Variants in GRIA1 observed in about 807,000 individuals in gnomAD.
The protein encoded by GRIA1 is glutamate ionotropic receptor AMPA type subunit 1.
Under a neutral mutation model 99.2 loss-of-function variants are expected in GRIA1, and 31 were observed. The ratio of observed to expected loss-of-function variants is 0.31; its 90% CI spans 0.23 to 0.42. The LOEUF (loss-of-function observed/expected upper bound fraction) is 0.42. Among genes scored for constraint, GRIA1 ranks in the 10% least tolerant of loss-of-function variants. The pLI is 1.00. For synonymous variants in GRIA1, 438 were observed against 432.4 expected (o/e 1.01, Z -0.16); for missense variants, 782 against 1,157.5 (o/e 0.68, Z 4.71).
chr5:153,569,753 T>C (rs1761953517), intron 2 of GRIA1, among the ~76,000 whole-genome samples: 1 of 152,220 alleles, frequency 6.6e-6, no homozygotes, highest in African/African-American at 2.4e-5. Context: ...TTAAGATTCC[T>C]GCAGATAGGC....
chr5:153,683,916 C>T (rs557240632), intron 7 of GRIA1, among the ~76,000 whole-genome samples: 1 of 152,300 alleles, frequency 6.6e-6, no homozygotes, highest in South Asian at 2.1e-4. Flanking sequence ...CAGAGCACAA[C>T]CTGGGAAATG....
At chr5:153,663,071 A>G (rs1391625470) in intron 5 of GRIA1, among the ~76,000 whole-genome samples, 1 of 152,200 alleles carries the variant, frequency 6.6e-6, no homozygotes, top group African/African-American at 2.4e-5. Context: ...GACAAACCCC[A>G]GATGCCAAAG....
intron 7 of GRIA1, among the ~76,000 whole-genome samples, chr5:153,678,999 A>G (rs1756787340): frequency 6.6e-6 from 1 of 152,196 alleles, no homozygotes; most frequent in East Asian, 1.9e-4. Flanking sequence ...GGTCTAACCC[A>G]TGTCCTTCTG....
chr5:153,718,575 G>A (rs2149536488), intron 11 of GRIA1, among the ~76,000 whole-genome samples: 1 of 152,280 alleles, frequency 6.6e-6, no homozygotes, highest in South Asian at 2.1e-4. Context: ...TTGAAAAAAG[G>A]TCCATTCATA....
intron 11 of GRIA1, among the ~76,000 whole-genome samples, chr5:153,754,432 A>G (rs1384078785): frequency 1.3e-5 from 2 of 152,164 alleles, no homozygotes; most frequent in African/African-American, 2.4e-5. Context: ...TGTAGGGACT[A>G]TCGTTCAAGG....
In GRIA1 at chr5:153,670,173, C is replaced by T. The variant is rs112471747; in HGVS notation, c.700-4327C>T. ...AATGACAGTAGACACAGCATTCTTTCTCACCGATTTATTAGTCACACATGG... is the reference window on the plus strand; with the variant it reads ...AATGACAGTAGACACAGCATTCTTTTTCACCGATTTATTAGTCACACATGG... On this transcript the variant is annotated intron_variant, in intron 5 of 15. Coordinates refer to ENST00000285900, the MANE Select transcript of GRIA1 (RefSeq NM_000827.4). 5.3e-3 allele frequency among the ~76,000 whole-genome samples: 812 copies of T among 152,284 alleles called. 5 individuals carry two copies. The highest frequency in any genetic ancestry group is 0.01 in the Middle Eastern group (3 of 294).
chr5:153,714,576 T>C (rs931821913), intron 11 of GRIA1, among the ~76,000 whole-genome samples: 13 of 152,342 alleles, frequency 8.5e-5, no homozygotes, highest in African/African-American at 3.1e-4. Flanking sequence ...ACCTCTTGTT[T>C]TTCTTTTAAA....
At chr5:153,493,458 G>A (rs1165526084) in intron 1 of GRIA1, among the ~76,000 whole-genome samples, 1 of 152,190 alleles carries the variant, frequency 6.6e-6, no homozygotes, top group Non-Finnish European at 1.5e-5. Flanking sequence ...CAGGGTCCCA[G>A]AGCTAGATTT....
chr5:153,759,889 A>C (rs529045697), intron 11 of GRIA1, among the ~76,000 whole-genome samples: 1 of 152,284 alleles, frequency 6.6e-6, no homozygotes, highest in South Asian at 2.1e-4. Context: ...AGAATGGTTC[A>C]ACATATTCAA....
intron 11 of GRIA1, among the ~76,000 whole-genome samples, chr5:153,748,343 T>C (rs1027365175): frequency 6.6e-6 from 1 of 151,960 alleles, no homozygotes; most frequent in Non-Finnish European, 1.5e-5. Context: ...TCAACAAAAA[T>C]TGCAAAGGTC....
chr5:153,587,413 T>C (rs903773015), intron 2 of GRIA1, among the ~76,000 whole-genome samples: 4 of 152,156 alleles, frequency 2.6e-5, no homozygotes, highest in African/African-American at 7.2e-5. Flanking sequence ...TTAAACCTCT[T>C]AAATAAATTA....
chr5:153,600,354 T>C (rs1384267744), intron 2 of GRIA1, among the ~76,000 whole-genome samples: 5 of 121,142 alleles, frequency 4.1e-5, no homozygotes, highest in Non-Finnish European at 7.9e-5. Flanking sequence ...ATCGCGCCGC[T>C]GCACTCCAGC....
At chr5:153,605,220 T>G (rs1001575359) in intron 2 of GRIA1, among the ~76,000 whole-genome samples, 1 of 152,016 alleles carries the variant, frequency 6.6e-6, no homozygotes, top group Non-Finnish European at 1.5e-5. Flanking sequence ...TATTAACACT[T>G]AAAAAGGCAC....
rs573171059 is a variant in GRIA1, at chr5:153,675,481, C to T, written c.861+820C>T. ...TGAGAATGCTTGGGAATAAGGATAG[C>T]GAATGATTCTTTTTCTGAAGTCAAA... On this transcript the variant is annotated intron_variant, in intron 6 of 15. Transcript: ENST00000285900. Among the ~76,000 whole-genome samples the T allele has an allele frequency of 5.3e-5, 8 of 152,284 alleles. No homozygotes were observed. The South Asian group carries it at 1.5e-3, about 28-fold the overall frequency.
At chr5:153,626,275 T>C (rs1250558750) in intron 2 of GRIA1, among the ~76,000 whole-genome samples, 1 of 152,132 alleles carries the variant, frequency 6.6e-6, no homozygotes, top group Non-Finnish European at 1.5e-5. Context: ...AGGTAAAGTG[T>C]GGGACATATT....
At chr5:153,655,536 C>G (rs1164385137) in intron 4 of GRIA1, among the ~76,000 whole-genome samples, 1 of 152,170 alleles carries the variant, frequency 6.6e-6, no homozygotes, top group Non-Finnish European at 1.5e-5. Flanking sequence ...CCACTCTACC[C>G]TTGGAATCAG....
At chr5:153,744,032 T>C (rs1761989781) in intron 11 of GRIA1, among the ~76,000 whole-genome samples, 1 of 152,094 alleles carries the variant, frequency 6.6e-6, no homozygotes, top group Admixed American at 6.6e-5. Context: ...GGAAGAACAA[T>C]TCCCATTTCC....
intron 2 of GRIA1, among the ~76,000 whole-genome samples, chr5:153,558,592 A>G (rs928274527): frequency 6.6e-6 from 1 of 151,740 alleles, no homozygotes; most frequent in African/African-American, 2.4e-5. Flanking sequence ...TGCTGAGCAA[A>G]TTTTTCATTG....
chr5:153,688,845 G>A (rs376666679), intron 8 of GRIA1, among the ~76,000 whole-genome samples: 25 of 151,648 alleles, frequency 1.6e-4, no homozygotes, highest in South Asian at 2.1e-4. Context: ...TCAGCCTCCC[G>A]AGTGGTTGGG....
Sources: allele counts gnomAD v4.1 joint callset (sites outside exome capture counted in the v4.1 genomes callset), GRCh38; gene constraint gnomAD v4.1.1; transcripts MANE v1.5; gene names NCBI Gene and HGNC (gene_info 2026-07-23, HGNC 2026-07-21).